The following LARP4B variants were observed in gnomAD, a reference collection of about 807,000 sequenced individuals.
LARP4B encodes the protein La ribonucleoprotein 4B, also known as la-related protein 4B.
LARP4B carries 12 observed loss-of-function variants against 89.8 expected under a neutral mutation model. That is an observed-to-expected ratio of 0.13 (90% confidence interval 0.09 to 0.22). LARP4B has a LOEUF of 0.22. LARP4B is among the 10% of genes least tolerant of loss of function. LARP4B has a pLI of 1.00. For missense variants in LARP4B, 757 were observed against 947.7 expected (o/e 0.80, Z 2.64); for synonymous variants, 367 against 363.3 (o/e 1.01, Z -0.12).
the LARP4B span, among the ~76,000 whole-genome samples, chr10:974,679 G>A: frequency 1.3e-5 from 2 of 152,150 alleles, no homozygotes; most frequent in African/African-American, 4.8e-5. Context: ...GAGCTCCCTC[G>A]CCCATTAGGC....
In LARP4B at chr10:813,207, G is replaced by A; in HGVS notation, c.1936C>T (p.Arg646Ter). ...CAAATCTCTGCGTAGCTGGGCTTTC[G>A]CAATTCCTGGAAACAGACAATCCTG... ...VQVNGAATELRKPSYAEICQR... is the reference protein window; with the variant it reads ...VQVNGAATEL Residue 646 changes from arginine to a stop codon, truncating the protein, a stop_gained, in exon 18 of 18, where the codon CGA becomes TGA. Coordinates refer to ENST00000316157, the MANE Select transcript of LARP4B (RefSeq NM_015155.3). LOFTEE classifies it high-confidence loss of function. 1.2e-6 allele frequency: 2 copies of A among 1,606,750 alleles called. No individual in the cohort carries two copies. Among genetic ancestry groups the A allele is most frequent in the Non-Finnish European group, 1.7e-6 (2 of 1,177,090 alleles).
At chr10:894,849 G>A (rs1836139251) in intron 1 of LARP4B, among the ~76,000 whole-genome samples, 2 of 152,180 alleles carry the variant, frequency 1.3e-5, no homozygotes, top group South Asian at 4.1e-4. Flanking sequence ...CTGGTGAACT[G>A]AGGATCACTA....
At chr10:910,100 T>G (rs1836626098) in intron 1 of LARP4B, among the ~76,000 whole-genome samples, 1 of 152,226 alleles carries the variant, frequency 6.6e-6, no homozygotes, top group African/African-American at 2.4e-5. Flanking sequence ...CCTGACTGGC[T>G]GCCTTACCCT....
chr10:839,239 C>A (rs918392659), intron 7 of LARP4B, among the ~76,000 whole-genome samples: 2 of 152,256 alleles, frequency 1.3e-5, no homozygotes, highest in African/African-American at 4.8e-5. Flanking sequence ...CAAGTGAACC[C>A]TTATGTAAAC....
intron 1 of LARP4B, among the ~76,000 whole-genome samples, chr10:890,207 C>T (rs1368439282): frequency 6.6e-6 from 1 of 152,122 alleles, no homozygotes; most frequent in East Asian, 1.9e-4. Context: ...TCCCTATTCG[C>T]AATAATCTGC....
chr10:863,489 G>T (rs12766381), intron 5 of LARP4B, among the ~76,000 whole-genome samples: 23,160 of 151,858 alleles, frequency 0.15, 1,936 homozygotes, highest in Non-Finnish European at 0.19. Flanking sequence ...TCGGCCTCCC[G>T]AAGTGCTGGG....
At chr10:881,673 A>T (rs1835672535) in intron 3 of LARP4B, among the ~76,000 whole-genome samples, 1 of 152,188 alleles carries the variant, frequency 6.6e-6, no homozygotes, top group Non-Finnish European at 1.5e-5. Flanking sequence ...GATCCTTATG[A>T]CCTCAAGGTG....
intron 1 of LARP4B, among the ~76,000 whole-genome samples, chr10:905,572 TTA>T (rs1836465972): frequency 6.6e-6 from 1 of 152,164 alleles, no homozygotes; most frequent in African/African-American, 2.4e-5. Flanking sequence ...GTCTTTGCAA[TTA>T]TGTTTTTTTC....
chr10:923,909 A>G (rs955193837), intron 1 of LARP4B, among the ~76,000 whole-genome samples: 1 of 152,212 alleles, frequency 6.6e-6, no homozygotes, highest in African/African-American at 2.4e-5. Flanking sequence ...ACTTTAAACA[A>G]CTGGCAAATA....
chr10:862,279 A>AAAC (rs1554798767), intron 5 of LARP4B, among the ~76,000 whole-genome samples: 5,097 of 140,218 alleles, frequency 0.036, 172 homozygotes, highest in Admixed American at 0.069. Context: ...AAAAAAAAAA[A>AAAC]AACAACCGTC....
the LARP4B span, among the ~76,000 whole-genome samples, chr10:952,339 C>CAA: frequency 0.16 from 2,638 of 16,888 alleles, 472 homozygotes; most frequent in East Asian, 0.26. Context: ...GACTCCATCT[C>CAA]AAAAAAAAAA....
chr10:861,774 T>C (rs185617339), intron 5 of LARP4B, among the ~76,000 whole-genome samples: 3 of 152,316 alleles, frequency 2.0e-5, no homozygotes, highest in East Asian at 3.9e-4. Context: ...CTATCTATCT[T>C]CCATCTTCTG....
intron 1 of LARP4B, among the ~76,000 whole-genome samples, chr10:911,931 T>C (rs1241382698): frequency 1.3e-5 from 2 of 152,194 alleles, no homozygotes; most frequent in Non-Finnish European, 2.9e-5. Flanking sequence ...TGGCTACTGT[T>C]TCTTTACACA....
At chr10:911,801 C>T (rs1836673129) in intron 1 of LARP4B, among the ~76,000 whole-genome samples, 1 of 152,128 alleles carries the variant, frequency 6.6e-6, no homozygotes, top group Admixed American at 6.5e-5. Flanking sequence ...TTTTCGGGGG[C>T]TTTCGGGATT....
intron 10 of LARP4B, 22 bp downstream of exon 10, chr10:829,659 T>C (rs1344679114): frequency 1.6e-5 from 26 of 1,611,400 alleles, no homozygotes; most frequent in Non-Finnish European, 2.1e-5. Context: ...ATAAACAAAG[T>C]ATAACCAATG....
chr10:891,939 G>A (rs574750832), intron 1 of LARP4B, among the ~76,000 whole-genome samples: 6 of 152,288 alleles, frequency 3.9e-5, no homozygotes, highest in South Asian at 2.1e-4. Context: ...ATTGACAGCT[G>A]TTTCAATAAA....
At chr10:909,126 C>G (rs1418675376) in intron 1 of LARP4B, among the ~76,000 whole-genome samples, 1 of 152,014 alleles carries the variant, frequency 6.6e-6, no homozygotes, top group Non-Finnish European at 1.5e-5. Context: ...AACCCCGTCT[C>G]TACTAACAAT....
the LARP4B span, chr10:987,921 G>T: frequency 6.6e-6 from 1 of 152,428 alleles, no homozygotes; most frequent in Non-Finnish European, 1.5e-5. Flanking sequence ...TCCTCACCAC[G>T]GCCCGGGATC....
At chr10:940,306 C>T in the LARP4B span, among the ~76,000 whole-genome samples, 3 of 152,174 alleles carry the variant, frequency 2.0e-5, no homozygotes, top group Non-Finnish European at 4.4e-5. Flanking sequence ...CATGAGCCAC[C>T]ATGCGCGGGC....
Sources: allele counts gnomAD v4.1 joint callset (sites outside exome capture counted in the v4.1 genomes callset), GRCh38; gene constraint gnomAD v4.1.1; transcripts MANE v1.5; gene names NCBI Gene and HGNC (gene_info 2026-07-23, HGNC 2026-07-21).